The following MAD1L1 variants were observed in gnomAD, a reference collection of about 807,000 sequenced individuals.
The protein encoded by MAD1L1 is mitotic arrest deficient 1 like 1.
Under a neutral mutation model 96.9 loss-of-function variants are expected in MAD1L1, and 95 were observed. The observed-to-expected ratio is 0.98, with a 90% confidence interval of 0.83 to 1.16. MAD1L1 has a LOEUF of 1.16. Ranked by LOEUF, MAD1L1 falls within the 50% of genes most tolerant of loss-of-function variation. MAD1L1 has a pLI of 0.00. For synonymous variants in MAD1L1, 473 were observed against 396.6 expected, an observed-to-expected ratio of 1.19 and a Z score of -2.29; for missense variants, 1,007 against 954.4, an observed-to-expected ratio of 1.06 and a Z score of -0.73.
chr7:1,958,305 C>T lies in MAD1L1; in HGVS notation c.1506-586G>A, dbSNP rs370214174. Among the ~76,000 whole-genome samples the T allele has an allele frequency of 1.3e-3, 204 of 152,256 alleles. 6 individuals are homozygous for T. In the South Asian group the frequency reaches 0.039, roughly 29 times the overall value. Reference sequence around the variant, plus strand: ...CAAAACAAACCTCCATGGCCGCAACCGGAATGGGGCCAGTTTTAGTTCACT... The same window carrying T: ...CAAAACAAACCTCCATGGCCGCAACTGGAATGGGGCCAGTTTTAGTTCACT... On this transcript the variant is annotated intron_variant, in intron 15 of 18. Transcript: ENST00000265854.
At chr7:1,837,152 AAG>A (rs1782976583) in intron 18 of MAD1L1, among the ~76,000 whole-genome samples, 1 of 152,232 alleles carries the variant, frequency 6.6e-6, no homozygotes. Flanking sequence ...TAATTAGCAG[AAG>A]ATGTGAACAG....
intron 14 of MAD1L1, among the ~76,000 whole-genome samples, chr7:1,998,670 A>G (rs1781660146): frequency 6.6e-6 from 1 of 152,164 alleles, no homozygotes; most frequent in Non-Finnish European, 1.5e-5. Context: ...CTGAGAAGGA[A>G]GCACCGACAG....
At chr7:2,227,751 C>G (rs532563570) in intron 3 of MAD1L1, among the ~76,000 whole-genome samples, 4 of 152,328 alleles carry the variant, frequency 2.6e-5, no homozygotes, top group African/African-American at 9.6e-5. Context: ...CAGCAGCCTT[C>G]CTGGTCTCAC....
At chr7:1,936,431 A>T (rs1445612525) in intron 17 of MAD1L1, among the ~76,000 whole-genome samples, 1 of 152,214 alleles carries the variant, frequency 6.6e-6, no homozygotes, top group Non-Finnish European at 1.5e-5. Context: ...TAAGGGCCTG[A>T]AATTTCAGCC....
At chr7:1,848,140 C>T (rs960110635) in intron 18 of MAD1L1, 5 of 225,500 alleles carry the variant, frequency 2.2e-5, no homozygotes, top group East Asian at 2.4e-4. Context: ...GGGCTGGGTC[C>T]GCAGGCCACT....
intron 18 of MAD1L1, among the ~76,000 whole-genome samples, chr7:1,871,719 ACACCT>A (rs1785116352): frequency 6.8e-6 from 1 of 147,564 alleles, no homozygotes; most frequent in Non-Finnish European, 1.5e-5. Context: ...AAGCCAACAT[ACACCT>A]GCCACGCTGA....
At chr7:1,821,791 A>G (rs912359282) in intron 18 of MAD1L1, among the ~76,000 whole-genome samples, 5 of 152,216 alleles carry the variant, frequency 3.3e-5, no homozygotes, top group African/African-American at 4.8e-5. Flanking sequence ...CCGACTTGGT[A>G]AAAAGCACCA....
chr7:1,913,453 C>T (rs1414027872), intron 17 of MAD1L1, among the ~76,000 whole-genome samples: 4 of 10,762 alleles, frequency 3.7e-4, no homozygotes, highest in South Asian at 2.9e-3. Flanking sequence ...AGGGAACCGT[C>T]GGGGGAGGCT....
intron 12 of MAD1L1, among the ~76,000 whole-genome samples, chr7:2,060,579 T>G (rs554779516): frequency 6.6e-6 from 1 of 151,456 alleles, no homozygotes. Context: ...AGGGAAACAC[T>G]GGAAGGAGGA....
At chr7:2,171,147 C>A (rs1044092514) in intron 10 of MAD1L1, among the ~76,000 whole-genome samples, 9 of 152,238 alleles carry the variant, frequency 5.9e-5, no homozygotes, top group African/African-American at 2.2e-4. Context: ...GGAGAACTTT[C>A]AGAGAATCCT....
intron 10 of MAD1L1, among the ~76,000 whole-genome samples, chr7:2,192,611 C>T (rs1208899544): frequency 6.6e-6 from 1 of 152,122 alleles, no homozygotes; most frequent in African/African-American, 2.4e-5. Flanking sequence ...GCCCCAGGCT[C>T]CTAGGGAACT....
At chr7:1,888,095 T>C (rs1022999011) in intron 18 of MAD1L1, among the ~76,000 whole-genome samples, 14 of 144,596 alleles carry the variant, frequency 9.7e-5, no homozygotes, top group Non-Finnish European at 1.7e-4. Context: ...GCATGCATGT[T>C]CATGGGGCTG....
In MAD1L1 at chr7:1,815,904, C is replaced by G; in HGVS notation, c.*166G>C. 2.5e-6 allele frequency: 2 copies of G among 791,090 alleles called. No homozygotes were observed. The highest frequency in any genetic ancestry group is 3.9e-6 in the Non-Finnish European group (2 of 513,738). 49.0% of individuals were successfully genotyped at this position (791,090 alleles called of 1,614,324 possible). On this transcript the variant is annotated 3_prime_UTR_variant, in exon 19 of 19. Coordinates refer to ENST00000265854, the MANE Select transcript of MAD1L1 (RefSeq NM_001013836.2). ...GTCTGCACGTGGAGAGGGTGCTGGC[C>G]GCCCCAGCAGGAAGCCCGACGTAGG...
intron 18 of MAD1L1, among the ~76,000 whole-genome samples, chr7:1,870,651 T>C (rs1434743179): frequency 0.018 from 1,003 of 54,326 alleles, 9 homozygotes; most frequent in Non-Finnish European, 0.027. Context: ...ACCCAACATA[T>C]GCCTGCCACG....
In MAD1L1 at chr7:1,816,128, A is replaced by C. The variant is rs748620254; in HGVS notation, c.2099T>G (p.Ile700Ser). The part of the protein sequence containing the change: ...IEVHLRRQDS[I>S]PAFLSSLTLE... ...GGTGAGCGAGCTGAGGAAGGCAGGGATGCTGTCCTGGCGCCGCAGGTGCAC... is the reference window on the plus strand; with the variant it reads ...GGTGAGCGAGCTGAGGAAGGCAGGGCTGCTGTCCTGGCGCCGCAGGTGCAC... The change falls in exon 19 of 19, where the codon ATC becomes AGC. Residue 700 changes from isoleucine to serine, a missense_variant. Ile to Ser is a moderately radical substitution (Grantham distance 142). Transcript: ENST00000265854. 1 of 1,612,902 alleles carries C rather than the reference A, an allele frequency of 6.2e-7. No homozygotes were observed. Among genetic ancestry groups the C allele is most frequent in the Non-Finnish European group, 8.5e-7 (1 of 1,179,848 alleles).
intron 11 of MAD1L1, among the ~76,000 whole-genome samples, chr7:2,139,934 C>A (rs76016791): frequency 0.036 from 5,503 of 152,220 alleles, 176 homozygotes; most frequent in South Asian, 0.071. Flanking sequence ...CAAGTAGAGT[C>A]TCTTTCCCCC....
intron 18 of MAD1L1, among the ~76,000 whole-genome samples, chr7:1,866,214 T>C (rs1275305241): frequency 6.6e-6 from 1 of 152,022 alleles, no homozygotes; most frequent in Non-Finnish European, 1.5e-5. Context: ...CCTCAGTACA[T>C]GCTGGAAGCC....
intron 17 of MAD1L1, among the ~76,000 whole-genome samples, chr7:1,929,206 G>A (rs1178791428): frequency 3.3e-5 from 5 of 151,712 alleles, no homozygotes; most frequent in East Asian, 1.9e-4. Context: ...CTCCTCCCTG[G>A]TATCTCTTCT....
chr7:1,822,443 T>TATATATATATATATA (rs57772706), intron 18 of MAD1L1, among the ~76,000 whole-genome samples: 5 of 105,460 alleles, frequency 4.7e-5, no homozygotes, highest in African/African-American at 1.6e-4. Context: ...TATATATATA[T>TATATATATATATATA]TTTTTTTTTT....
Sources: allele counts gnomAD v4.1 joint callset (sites outside exome capture counted in the v4.1 genomes callset), GRCh38; gene constraint gnomAD v4.1.1; transcripts MANE v1.5; gene names NCBI Gene and HGNC (gene_info 2026-07-23, HGNC 2026-07-21).